The following ARHGAP26 variants were observed in gnomAD, a reference collection of about 807,000 sequenced individuals.
The protein encoded by ARHGAP26 is rho GTPase-activating protein 26.
Under a neutral mutation model 104.8 loss-of-function variants are expected in ARHGAP26, and 38 were observed. The ratio of observed to expected loss-of-function variants is 0.36; its 90% confidence interval spans 0.28 to 0.48. ARHGAP26 has a LOEUF of 0.48. Ranked by LOEUF, ARHGAP26 falls within the 20% of genes least tolerant of loss-of-function variation. The pLI is 0.99. For missense variants in ARHGAP26, 704 were observed against 947.9 expected, an observed-to-expected ratio of 0.74 and a Z score of 3.38; for synonymous variants, 341 against 340.0, an observed-to-expected ratio of 1.00 and a Z score of -0.03.
intron 11 of ARHGAP26, among the ~76,000 whole-genome samples, chr5:142,954,991 A>G (rs1408556357): frequency 6.6e-6 from 1 of 152,186 alleles, no homozygotes; most frequent in Non-Finnish European, 1.5e-5. Flanking sequence ...TATAAAATGC[A>G]TTCTGGGCTG....
chr5:143,040,193 A>G (rs1297902129), intron 13 of ARHGAP26, among the ~76,000 whole-genome samples: 1 of 152,236 alleles, frequency 6.6e-6, no homozygotes, highest in Non-Finnish European at 1.5e-5. Flanking sequence ...GCCACTGAGT[A>G]ACTTGGGACC....
At chr5:142,875,225 G>GC (rs1755916214) in intron 3 of ARHGAP26, 54 bp downstream of exon 3, 1 of 1,531,624 alleles carries the variant, frequency 6.5e-7, no homozygotes, top group Non-Finnish European at 9.0e-7. Context: ...TGTTGAGGGA[G>GC]CAAGGGATGG....
intron 5 of ARHGAP26, among the ~76,000 whole-genome samples, chr5:142,891,646 AG>A (rs1402113039): frequency 6.6e-6 from 1 of 151,870 alleles, no homozygotes; most frequent in Non-Finnish European, 1.5e-5. Context: ...TAATGGAAGT[AG>A]GGGTCTGTTC....
intron 22 of ARHGAP26, among the ~76,000 whole-genome samples, chr5:143,219,159 C>CA (rs1273749311): frequency 6.6e-6 from 1 of 152,216 alleles, no homozygotes; most frequent in African/African-American, 2.4e-5. Flanking sequence ...TCTCTGGAGT[C>CA]AAACAAGCTG....
intron 20 of ARHGAP26, among the ~76,000 whole-genome samples, chr5:143,195,625 G>A (rs890624031): frequency 2.6e-5 from 4 of 152,132 alleles, no homozygotes. Flanking sequence ...AAATAAAAAA[G>A]TCTCTAAAAG....
intron 1 of ARHGAP26, among the ~76,000 whole-genome samples, chr5:142,790,113 A>C (rs1253141424): frequency 6.6e-6 from 1 of 152,160 alleles, no homozygotes; most frequent in African/African-American, 2.4e-5. Context: ...AGCCTTATGG[A>C]GCTTTTGTTT....
At position 142,885,360 on chromosome 5, in the gene ARHGAP26, G is replaced by GAATTTGTCTTCCAA; in HGVS notation, c.450_463dup (p.Lys155IlefsTer79). ...ATTGTGGCATCTTAGAAAAACACTTGAATTTGTCTTCCAAAAAGAAAGAAT... is the reference window on the plus strand; with the variant it reads ...ATTGTGGCATCTTAGAAAAACACTTGAATTTGTCTTCCAAAATTTGTCTTCCAAAAAGAAAGAAT... On this transcript the variant is annotated frameshift_variant, in exon 5 of 23. Transcript: ENST00000645722. LOFTEE classifies it high-confidence loss of function. The GAATTTGTCTTCCAA allele has an allele frequency of 1.2e-6, 2 of 1,613,750 alleles. No homozygotes were observed. The highest frequency in any genetic ancestry group is 1.7e-6 in the Non-Finnish European group (2 of 1,179,796).
intron 17 of ARHGAP26, among the ~76,000 whole-genome samples, chr5:143,114,600 A>G (rs3776307): frequency 0.36 from 55,268 of 152,060 alleles, 11,564 homozygotes; most frequent in Non-Finnish European, 0.47. Flanking sequence ...CTGAGAGGGT[A>G]GTAGAGAGAA....
chr5:142,815,093 C>T (rs998567778), intron 1 of ARHGAP26, among the ~76,000 whole-genome samples: 14 of 152,144 alleles, frequency 9.2e-5, no homozygotes, highest in African/African-American at 1.7e-4. Flanking sequence ...CTCTGCCTCC[C>T]GGGTTCAAGG....
intron 11 of ARHGAP26, among the ~76,000 whole-genome samples, chr5:143,000,058 A>G (rs892959935): frequency 3.3e-5 from 5 of 152,204 alleles, no homozygotes; most frequent in Admixed American, 1.3e-4. Flanking sequence ...ATAATAAGAT[A>G]CTGCTACGCA....
intron 9 of ARHGAP26, among the ~76,000 whole-genome samples, chr5:142,910,443 A>T (rs1340241052): frequency 6.6e-6 from 1 of 152,238 alleles, no homozygotes; most frequent in Non-Finnish European, 1.5e-5. Flanking sequence ...ATATTTTTTA[A>T]AAATAGAGAC....
At chr5:143,138,291 A>G (rs1798127172) in intron 19 of ARHGAP26, among the ~76,000 whole-genome samples, 1 of 152,184 alleles carries the variant, frequency 6.6e-6, no homozygotes, top group South Asian at 2.1e-4. Flanking sequence ...TCCTCATATC[A>G]TAGGCAATGT....
chr5:142,931,908 A>G (rs1764777344), intron 10 of ARHGAP26, 139 bp from the exon 11 acceptor site: 1 of 757,912 alleles, frequency 1.3e-6, no homozygotes, highest in Admixed American at 2.1e-5. Flanking sequence ...TGGCTTAGTA[A>G]AGCCGAGTGT....
At chr5:143,212,881 C>T (rs1002582965) in intron 21 of ARHGAP26, among the ~76,000 whole-genome samples, 1 of 152,310 alleles carries the variant, frequency 6.6e-6, no homozygotes, top group East Asian at 1.9e-4. Context: ...CGCGGTGGCT[C>T]ACGCCTGTAA....
intron 6 of ARHGAP26, among the ~76,000 whole-genome samples, chr5:142,896,962 A>G (rs907465249): frequency 2.0e-5 from 3 of 152,248 alleles, no homozygotes; most frequent in African/African-American, 7.2e-5. Flanking sequence ...ATTTATGAGC[A>G]AACGAGTGAA....
chr5:143,004,414 T>C (rs1219506051), intron 11 of ARHGAP26, among the ~76,000 whole-genome samples: 1 of 152,232 alleles, frequency 6.6e-6, no homozygotes, highest in African/African-American at 2.4e-5. Context: ...TTTTGGAATC[T>C]GTCCAGGGCC....
At chr5:142,797,526 G>C (rs1467234830) in intron 1 of ARHGAP26, among the ~76,000 whole-genome samples, 1 of 152,184 alleles carries the variant, frequency 6.6e-6, no homozygotes, top group Non-Finnish European at 1.5e-5. Context: ...TGGTCACAGG[G>C]TGATTTTTTG....
chr5:142,805,143 G>C (rs559537768), intron 1 of ARHGAP26, among the ~76,000 whole-genome samples: 8 of 130,694 alleles, frequency 6.1e-5, no homozygotes, highest in Admixed American at 6.0e-4. Flanking sequence ...CACCCTTTTC[G>C]CCAGGCTGGA....
intron 11 of ARHGAP26, chr5:142,946,587 A>C (rs1767146659): frequency 6.6e-6 from 1 of 152,214 alleles, no homozygotes. Context: ...GAAAGTGGTA[A>C]TATTTGTTAG....
Sources: allele counts gnomAD v4.1 joint callset (sites outside exome capture counted in the v4.1 genomes callset), GRCh38; gene constraint gnomAD v4.1.1; transcripts MANE v1.5; gene names NCBI Gene and HGNC (gene_info 2026-07-23, HGNC 2026-07-21).